Variants in SYAP1 observed in about 807,000 individuals in gnomAD.
SYAP1 encodes the protein synapse associated protein 1, also known as synapse-associated protein 1.
A neutral mutation model predicts 29.6 loss-of-function variants in SYAP1; 3 were observed. The observed-to-expected ratio is 0.10, with a 90% CI of 0.05 to 0.26. The LOEUF (loss-of-function observed/expected upper bound fraction) is 0.26. Ranked by LOEUF, SYAP1 falls within the 10% of genes least tolerant of loss-of-function variation. The pLI is 1.00. For synonymous variants in SYAP1, 102 were observed against 102.7 expected, an observed-to-expected ratio of 0.99 and a Z score of 0.04; for missense variants, 217 against 264.1, an observed-to-expected ratio of 0.82 and a Z score of 1.24.
chrX:16,737,621 G>T (rs1003203608), intron 3 of SYAP1, among the ~76,000 whole-genome samples: 1 of 111,597 alleles, frequency 9.0e-6, no homozygotes, highest in East Asian at 2.8e-4. Context: ...GTGAGGGCGT[G>T]GGGGTGGAAG....
At chrX:16,755,161 C>G (rs770527434) in intron 6 of SYAP1, 68 bp downstream of exon 6, 60 of 1,051,206 alleles carry the variant, frequency 5.7e-5, no homozygotes, top group Non-Finnish European at 7.5e-5. Flanking sequence ...TGAGCTTGAC[C>G]TCTTATACGT....
chrX:16,726,969 AAAAAGG>A (rs752136845), intron 1 of SYAP1, among the ~76,000 whole-genome samples: 163 of 112,085 alleles, frequency 1.5e-3, no homozygotes, highest in South Asian at 7.0e-3. Flanking sequence ...AAAAATGGGG[AAAAAGG>A]AAAAGGAAAA....
rs770656342 is a variant in SYAP1, at chrX:16,743,693, T to TA, written c.436-7dup. The TA allele has an allele frequency of 1.1e-4, 132 of 1,206,362 alleles. No individual in the cohort carries two copies. The highest frequency in any genetic ancestry group is 4.6e-4 in the Middle Eastern group (2 of 4,354). On this transcript the variant is annotated splice_polypyrimidine_tract_variant and splice_region_variant and intron_variant, in intron 4 of 8. Coordinates refer to ENST00000380155, the MANE Select transcript of SYAP1 (RefSeq NM_032796.4). The stretch of plus-strand genomic sequence containing the variant: ...AATACCCTGTGTTTTTTTCTTTTTT[T>TA]ATCAAAGGACAAGAGGAATTTCCTT...
rs533166373 is a variant in SYAP1 at position 16,739,073 on chromosome X, A to G, written c.362-2643A>G. Among the ~76,000 whole-genome samples, 4 of 111,688 alleles carry G rather than the reference A, an allele frequency of 3.6e-5. No individual in the cohort carries two copies. The South Asian group carries it at 1.5e-3, about 42-fold the overall frequency. ...AGGGCCTCATTATCTGAGCATAAAT[A>G]GCACCAGGAGAGACTACCCAAGGTG... On this transcript the variant is annotated intron_variant, in intron 3 of 8. Coordinates refer to ENST00000380155, the MANE Select transcript of SYAP1 (RefSeq NM_032796.4).
rs1322872502 is a variant in SYAP1, at chrX:16,743,769, C to T, written c.504C>T (p.Tyr168=). 8.3e-7 allele frequency: 1 copy of T among 1,210,022 alleles called. No individual in the cohort carries two copies. Among genetic ancestry groups the T allele is most frequent in the East Asian group, 3.0e-5 (1 of 33,840 alleles). The part of the protein sequence containing the change: ...VQFNFDFDQM[Y]PVALVMLQED... The stretch of plus-strand genomic sequence containing the variant: ...TTAATTTCGACTTTGATCAGATGTA[C>T]CCCGTGGCCCTGGTCATGCTCCAGG... The change falls in exon 5 of 9, where the codon TAC becomes TAT. Residue 168 remains tyrosine (Y), a synonymous_variant. Coordinates refer to ENST00000380155, the MANE Select transcript of SYAP1 (RefSeq NM_032796.4).
In SYAP1 at chrX:16,762,307, A is replaced by G. The variant is rs1215852681; in HGVS notation, c.*1948A>G. 8.9e-6 allele frequency: 1 copy of G among 111,954 alleles called. No homozygotes were observed. Among genetic ancestry groups the G allele is most frequent in the Non-Finnish European group, 1.9e-5 (1 of 53,285 alleles). 9.2% of individuals were successfully genotyped at this position (111,954 alleles called of 1,213,427 possible). A position where few individuals can be genotyped will look rare whatever the true frequency, so the allele number is the denominator to read the frequency against. On this transcript the variant is annotated 3_prime_UTR_variant, in exon 9 of 9. Transcript: ENST00000380155. ...GTTGAATAAACACACACAAAAAAGT[A>G]TCAGAGAAAGAGAAAAACCCTACAA...
Position 16,742,710 on chromosome X carries a change from C to T in SYAP1, c.435+921C>T, listed in dbSNP as rs764470085. On this transcript the variant is annotated intron_variant, in intron 4 of 8. Coordinates refer to ENST00000380155, the MANE Select transcript of SYAP1 (RefSeq NM_032796.4). ...TGGCTCACTGCAGCCTTGAACTGGG[C>T]TCAAGTGATCCTCCGGCCTTAGCCT... 6.2e-5 allele frequency among the ~76,000 whole-genome samples: 7 copies of T among 112,260 alleles called. No individual in the cohort carries two copies. In the South Asian group the frequency reaches 2.5e-3, roughly 40 times the overall value.
rs1484010739 is a variant in SYAP1, at chrX:16,760,939, G to C, written c.*580G>C. Reference sequence around the variant, plus strand: ...ACACAATTTTACATTAAGAAATACTGTGCAGGCCATGCGTGGTGGCTCAGG... The same window carrying C: ...ACACAATTTTACATTAAGAAATACTCTGCAGGCCATGCGTGGTGGCTCAGG... On this transcript the variant is annotated 3_prime_UTR_variant, in exon 9 of 9. Transcript: ENST00000380155. 9.0e-6 allele frequency: 1 copy of C among 111,589 alleles called. No homozygotes were observed. The highest frequency in any genetic ancestry group is 1.9e-5 in the Non-Finnish European group (1 of 53,138). The allele number at this position is 111,589 out of a possible 1,213,427, so 9.2% of individuals were successfully genotyped here. A position where few individuals can be genotyped will look rare whatever the true frequency, so the allele number is the denominator to read the frequency against.
At position 16,743,751 on chromosome X, in the gene SYAP1, C is replaced by T. The variant is rs756334387; in HGVS notation, c.486C>T (p.Phe162=). 5.0e-6 allele frequency: 6 copies of T among 1,210,132 alleles called. No homozygotes were observed. The highest frequency in any genetic ancestry group is 5.9e-5 in the East Asian group (2 of 33,824). Residue 162 remains phenylalanine, a synonymous_variant, in exon 5 of 9, where the codon TTC becomes TTT. Transcript: ENST00000380155. ...RDPPAGVQFN[F]DFDQMYPVAL... is the part of the protein sequence containing the mutation. ...CTCCGGCTGGCGTGCAATTTAATTT[C>T]GACTTTGATCAGATGTACCCCGTGG...
At chrX:16,731,329 A>T (rs979303071) in intron 1 of SYAP1, among the ~76,000 whole-genome samples, 1 of 112,008 alleles carries the variant, frequency 8.9e-6, no homozygotes, top group Admixed American at 9.6e-5. Flanking sequence ...ATTTACCTAG[A>T]TTATTTATGA....
At chrX:16,749,090 C>T (rs1926671912) in intron 5 of SYAP1, among the ~76,000 whole-genome samples, 1 of 110,270 alleles carries the variant, frequency 9.1e-6, no homozygotes, top group Non-Finnish European at 1.9e-5. Context: ...AGGTATCTCT[C>T]TGTTGCCCAG....
Position 16,736,153 on chromosome X carries a change from T to A in SYAP1, c.295-13T>A, listed in dbSNP as rs977770771. On this transcript the variant is annotated splice_polypyrimidine_tract_variant and intron_variant, in intron 2 of 8. Transcript: ENST00000380155. ...CATTGCTATTTAATTTGACTATGTA[T>A]TTTTTTTAACAGACAATTATAGGAG... 2 of 1,051,400 alleles carry A rather than the reference T, an allele frequency of 1.9e-6. No homozygotes were observed. The highest frequency in any genetic ancestry group is 2.6e-6 in the Non-Finnish European group (2 of 757,620). The allele number at this position is 1,051,400 out of a possible 1,213,427, so 86.6% of individuals were successfully genotyped here. A position where few individuals can be genotyped will look rare whatever the true frequency, so the allele number is the denominator to read the frequency against.
intron 1 of SYAP1, among the ~76,000 whole-genome samples, chrX:16,721,832 G>T (rs1194499986): frequency 9.0e-6 from 1 of 111,394 alleles, no homozygotes; most frequent in Non-Finnish European, 1.9e-5. Flanking sequence ...ACCGTGCCTG[G>T]CCCCTCTGAA....
chrX:16,763,870 CTTTTTTTTTTTTT>C lies in SYAP1; in HGVS notation c.*3520_*3532del, dbSNP rs11331396. 1 of 63,584 alleles carries C rather than the reference CTTTTTTTTTTTTT, an allele frequency of 1.6e-5. No homozygotes were observed. Among genetic ancestry groups the C allele is most frequent in the Non-Finnish European group, 2.7e-5 (1 of 37,271 alleles). 5.2% of individuals were successfully genotyped at this position (63,584 alleles called of 1,213,427 possible). On this transcript the variant is annotated 3_prime_UTR_variant, in exon 9 of 9. Coordinates refer to ENST00000380155, the MANE Select transcript of SYAP1 (RefSeq NM_032796.4). ...AGTATTTTATTTGCCTCTTTGACGG[CTTTTTTTTTTTTT>C]TTTTTTTTGAGACAGAGTCTCACAC... is the stretch of plus-strand genomic sequence containing the variant.
intron 8 of SYAP1, among the ~76,000 whole-genome samples, chrX:16,758,551 G>A (rs780421617): frequency 1.8e-5 from 2 of 110,544 alleles, no homozygotes; most frequent in African/African-American, 6.6e-5. Flanking sequence ...TGGCAGGCTG[G>A]TCTCGAACTC....
intron 1 of SYAP1, among the ~76,000 whole-genome samples, chrX:16,732,493 C>T (rs1207632382): frequency 1.8e-5 from 2 of 108,787 alleles, no homozygotes; most frequent in Non-Finnish European, 3.8e-5. Context: ...AGGATGGTCT[C>T]GATCTCCTGA....
In SYAP1 at chrX:16,719,708, G is replaced by A; in HGVS notation, c.-17G>A. On this transcript the variant is annotated 5_prime_UTR_variant, in exon 1 of 9. Transcript: ENST00000380155. ...GGTCTCTGGGGATCGGGACCGCGGC[G>A]GCGGCCCGCGAGCGGGATGTTCCGG... is the stretch of plus-strand genomic sequence containing the variant. The A allele has an allele frequency of 5.0e-6, 6 of 1,202,176 alleles. No homozygotes were observed. Among genetic ancestry groups the A allele is most frequent in the Non-Finnish European group, 5.6e-6 (5 of 891,864 alleles).
At chrX:16,742,467 C>T (rs1926488495) in intron 4 of SYAP1, among the ~76,000 whole-genome samples, 1 of 109,627 alleles carries the variant, frequency 9.1e-6, no homozygotes, top group Non-Finnish European at 1.9e-5. Flanking sequence ...TTTGTGTTTT[C>T]AGTAGAGACA....
chrX:16,734,393 A>C (rs771306942), intron 1 of SYAP1, among the ~76,000 whole-genome samples: 1 of 109,967 alleles, frequency 9.1e-6, no homozygotes, highest in Non-Finnish European at 1.9e-5. Flanking sequence ...CTCAAAAAAA[A>C]AAAAAAAAAG....
Sources: allele counts gnomAD v4.1 joint callset (sites outside exome capture counted in the v4.1 genomes callset), GRCh38; gene constraint gnomAD v4.1.1; transcripts MANE v1.5; gene names NCBI Gene and HGNC (gene_info 2026-07-23, HGNC 2026-07-21).